Variants in NALF1 observed in about 807,000 individuals in gnomAD.
NALF1 encodes the protein family with sequence similarity 155 member A.
A neutral mutation model predicts 48.4 loss-of-function variants in NALF1; 3 were observed. The ratio of observed to expected loss-of-function variants is 0.06; its 90% CI spans 0.03 to 0.16. The LOEUF is 0.16. Among genes scored for constraint, NALF1 ranks in the 10% least tolerant of loss-of-function variants. The probability of loss-of-function intolerance (pLI) is 1.00; values close to 1 mark genes in which losing one functional copy is unlikely to be tolerated. For synonymous variants in NALF1, 262 were observed against 245.7 expected (o/e 1.07, Z -0.62); for missense variants, 526 against 571.5 (o/e 0.92, Z 0.81).
At chr13:107,782,911 A>G (rs145986168) in intron 1 of NALF1, among the ~76,000 whole-genome samples, 52,466 of 135,364 alleles carry the variant, frequency 0.39, 11,705 homozygotes, top group East Asian at 0.56. Flanking sequence ...CGCCCCGTCC[A>G]GGAGGGAGGT....
chr13:107,818,616 T>A (rs1879246721), intron 1 of NALF1, among the ~76,000 whole-genome samples: 1 of 112,486 alleles, frequency 8.9e-6, no homozygotes, highest in Non-Finnish European at 1.8e-5. Context: ...CTCACGCCTG[T>A]AATCCCAGCA....
At chr13:107,604,209 A>C (rs927392203) in intron 1 of NALF1, among the ~76,000 whole-genome samples, 6 of 152,198 alleles carry the variant, frequency 3.9e-5, no homozygotes, top group African/African-American at 1.4e-4. Context: ...TCTTGCCAAT[A>C]ATCGTTTCCC....
At chr13:107,670,194 A>G (rs1481330678) in intron 1 of NALF1, among the ~76,000 whole-genome samples, 1 of 152,128 alleles carries the variant, frequency 6.6e-6, no homozygotes, top group Non-Finnish European at 1.5e-5. Flanking sequence ...GAATGTACTA[A>G]AACAGGCATC....
chr13:107,352,926 C>T (rs1882901923), intron 1 of NALF1, among the ~76,000 whole-genome samples: 1 of 152,098 alleles, frequency 6.6e-6, no homozygotes, highest in African/African-American at 2.4e-5. Context: ...AAAGATTAAT[C>T]TCCAGAGAAG....
chr13:107,818,177 G>C (rs16971201), intron 1 of NALF1, among the ~76,000 whole-genome samples: 2 of 152,098 alleles, frequency 1.3e-5, no homozygotes, highest in African/African-American at 4.8e-5. Context: ...ATTAATCTTA[G>C]GGGAACATCT....
At chr13:107,178,747 T>C (rs1346463315) in intron 2 of NALF1, among the ~76,000 whole-genome samples, 1 of 152,148 alleles carries the variant, frequency 6.6e-6, no homozygotes, top group South Asian at 2.1e-4. Context: ...ATCAAGACCA[T>C]TCTGGTTTAC....
intron 1 of NALF1, among the ~76,000 whole-genome samples, chr13:107,276,838 A>T (rs1294682570): frequency 6.6e-6 from 1 of 152,180 alleles, no homozygotes; most frequent in Non-Finnish European, 1.5e-5. Flanking sequence ...TTGGAAAGCC[A>T]TATTTTTAAC....
At chr13:107,694,109 G>A (rs371276634) in intron 1 of NALF1, among the ~76,000 whole-genome samples, 7 of 152,186 alleles carry the variant, frequency 4.6e-5, no homozygotes, top group African/African-American at 1.4e-4. Context: ...GTATCGACCT[G>A]TAGCAGGAAG....
intron 1 of NALF1, among the ~76,000 whole-genome samples, chr13:107,308,501 G>A (rs1272649961): frequency 2.0e-5 from 3 of 151,794 alleles, no homozygotes; most frequent in Non-Finnish European, 2.9e-5. Context: ...TATGCTTTTC[G>A]GCACTTTAGT....
intron 1 of NALF1, among the ~76,000 whole-genome samples, chr13:107,652,277 T>C (rs1259678109): frequency 6.6e-6 from 1 of 152,186 alleles, no homozygotes; most frequent in African/African-American, 2.4e-5. Flanking sequence ...ACTGCTCTAT[T>C]TGTCATTCTG....
intron 1 of NALF1, among the ~76,000 whole-genome samples, chr13:107,522,767 C>T (rs9520478): frequency 0.25 from 37,657 of 151,490 alleles, 5,942 homozygotes; most frequent in Non-Finnish European, 0.33. Flanking sequence ...CCATGCTCGA[C>T]TAATTTTTCT....
intron 1 of NALF1, among the ~76,000 whole-genome samples, chr13:107,253,166 CTTCT>C (rs891163206): frequency 1.5e-5 from 1 of 65,206 alleles, no homozygotes; most frequent in Non-Finnish European, 3.0e-5. Context: ...AATACTGGGA[CTTCT>C]TTCTTTTTTT....
At chr13:107,470,780 A>G (rs568607431) in intron 1 of NALF1, among the ~76,000 whole-genome samples, 43 of 152,282 alleles carry the variant, frequency 2.8e-4, no homozygotes, top group African/African-American at 9.6e-4. Flanking sequence ...TAATGATTTT[A>G]TATAGTCATA....
chr13:107,262,509 C>A (rs1270867826), intron 1 of NALF1, among the ~76,000 whole-genome samples: 3 of 152,164 alleles, frequency 2.0e-5, no homozygotes, highest in Non-Finnish European at 4.4e-5. Flanking sequence ...AAACAATAGT[C>A]ATCTCCACGT....
At chr13:107,662,597 C>A (rs1323731163) in intron 1 of NALF1, among the ~76,000 whole-genome samples, 1 of 152,100 alleles carries the variant, frequency 6.6e-6, no homozygotes, top group Non-Finnish European at 1.5e-5. Context: ...ATGTTTCATG[C>A]AGTTCTCAAG....
At chr13:107,549,524 C>G (rs1052630101) in intron 1 of NALF1, among the ~76,000 whole-genome samples, 1 of 152,090 alleles carries the variant, frequency 6.6e-6, no homozygotes, top group African/African-American at 2.4e-5. Context: ...AGAAAAGTTG[C>G]AGAAATAGTA....
chr13:107,265,430 A>AT (rs1881019710), intron 1 of NALF1, among the ~76,000 whole-genome samples: 1 of 151,990 alleles, frequency 6.6e-6, no homozygotes, highest in South Asian at 2.1e-4. Flanking sequence ...TTATTTATTT[A>AT]TTTTTTTAGA....
At chr13:107,824,326 A>G (rs1025504260) in intron 1 of NALF1, among the ~76,000 whole-genome samples, 4 of 152,282 alleles carry the variant, frequency 2.6e-5, no homozygotes, top group South Asian at 2.1e-4. Context: ...AGTGCCTAAC[A>G]TAGCCCCTGC....
rs575924009 is a variant in NALF1 at position 107,650,303 on chromosome 13, G to A, written c.915+215379C>T. Among the ~76,000 whole-genome samples, 3 of 151,172 alleles carry A rather than the reference G, an allele frequency of 2.0e-5. No homozygotes were observed. In the East Asian group the frequency reaches 6.0e-4, roughly 30 times the overall value. On this transcript the variant is annotated intron_variant, in intron 1 of 2. Transcript: ENST00000375915. ...TGAAGGGGGCGAGCGATGAGGCTGC[G>A]CCACCTAGTGGCTGCGACTTCGAGT...
Sources: gnomAD v4.1 joint callset for allele counts (sites outside exome capture counted in the v4.1 genomes callset) on GRCh38, gnomAD v4.1.1 for gene constraint, MANE v1.5 for transcripts, NCBI Gene and HGNC (gene_info 2026-07-23, HGNC 2026-07-21) for gene names.